Variants in BCAR3 observed in about 807,000 individuals in gnomAD.
BCAR3 encodes breast cancer anti-estrogen resistance protein 3.
BCAR3 carries 37 observed loss-of-function variants against 80.1 expected under a neutral mutation model. That is an observed-to-expected ratio of 0.46 (90% CI 0.36 to 0.61). The LOEUF is 0.61. Ranked by LOEUF, BCAR3 falls within the 20% of genes least tolerant of loss-of-function variation. The pLI, the probability that BCAR3 is intolerant of heterozygous loss-of-function variation, is 0.00. For missense variants in BCAR3, 978 were observed against 1,068.2 expected, an observed-to-expected ratio of 0.92 and a Z score of 1.18; for synonymous variants, 389 against 418.9, an observed-to-expected ratio of 0.93 and a Z score of 0.87.
intron 2 of BCAR3, among the ~76,000 whole-genome samples, chr1:93,827,833 C>T (rs1654422339): frequency 6.6e-6 from 1 of 151,934 alleles, no homozygotes; most frequent in Non-Finnish European, 1.5e-5. Flanking sequence ...GAAAACAATA[C>T]CCCAAAATAA....
chr1:93,809,101 TA>T (rs1378702245), intron 2 of BCAR3, among the ~76,000 whole-genome samples: 1 of 151,860 alleles, frequency 6.6e-6, no homozygotes, highest in Non-Finnish European at 1.5e-5. Context: ...AAGTGAAGAG[TA>T]AAGAGATATT....
intron 2 of BCAR3, among the ~76,000 whole-genome samples, chr1:93,796,956 T>C (rs2100782588): frequency 6.6e-6 from 1 of 152,344 alleles, no homozygotes; most frequent in African/African-American, 2.4e-5. Context: ...TACTGCATTA[T>C]ATTTCTGGTT....
chr1:93,709,824 G>A (rs776039558), intron 2 of BCAR3, among the ~76,000 whole-genome samples: 1 of 152,166 alleles, frequency 6.6e-6, no homozygotes, highest in Non-Finnish European at 1.5e-5. Flanking sequence ...GGGCTTTGCT[G>A]CTATAACATA....
At position 93,711,384 on chromosome 1, in the gene BCAR3, G is replaced by A. The variant is rs138099205; in HGVS notation, c.-62-5242C>T. Among the ~76,000 whole-genome samples, 646 of 152,336 alleles carry A rather than the reference G, an allele frequency of 4.2e-3. 2 individuals are homozygous for A. Among genetic ancestry groups the A allele is most frequent in the African/African-American group, 0.015 (622 of 41,572 alleles). On this transcript the variant is annotated intron_variant, in intron 2 of 13. Coordinates refer to the BCAR3 transcript ENST00000370244. ...TGGCTGGGACAATGAAAGTGAAAGGGCCATGTGTCTGTCATTATTCAGCCA... is the reference window on the plus strand; with the variant it reads ...TGGCTGGGACAATGAAAGTGAAAGGACCATGTGTCTGTCATTATTCAGCCA...
chr1:93,597,035 C>CA lies in BCAR3; in HGVS notation c.358-4643dup, dbSNP rs1389798993. 5.3e-5 allele frequency among the ~76,000 whole-genome samples: 8 copies of CA among 152,274 alleles called. No homozygotes were observed. The East Asian group carries it at 1.2e-3, about 22-fold the overall frequency. ...GACCACAATGAGACAAACATGCAGG[C>CA]AGGGCTCATATCTTGTGCTTCAGGA... is the stretch of plus-strand genomic sequence containing the variant. On this transcript the variant is annotated intron_variant, in intron 3 of 11. Coordinates refer to ENST00000260502, the MANE Select transcript of BCAR3 (RefSeq NM_003567.4).
intron 9 of BCAR3, among the ~76,000 whole-genome samples, chr1:93,570,354 G>A (rs909022491): frequency 2.6e-5 from 4 of 152,278 alleles, no homozygotes; most frequent in South Asian, 2.1e-4. Context: ...AGTGACCAGC[G>A]GTTTTGGTGT....
chr1:93,813,624 A>T (rs1201083799), intron 2 of BCAR3, among the ~76,000 whole-genome samples: 1 of 152,094 alleles, frequency 6.6e-6, no homozygotes, highest in African/African-American at 2.4e-5. Context: ...TTCTTCCTTG[A>T]CTATTTTAAA....
At position 93,582,547 on chromosome 1, in the gene BCAR3, A is replaced by G; in HGVS notation, c.1440T>C (p.Asp480=). 1 of 1,613,428 alleles carries G rather than the reference A, an allele frequency of 6.2e-7. No homozygotes were observed. The highest frequency in any genetic ancestry group is 8.5e-7 in the Non-Finnish European group (1 of 1,179,752). The change falls in exon 7 of 12, where the codon GAT becomes GAC. Residue 480 remains aspartate, a synonymous_variant. Coordinates refer to ENST00000260502, the MANE Select transcript of BCAR3 (RefSeq NM_003567.4). ...NSGVNYLILD[D]DDRERPWEPA... Reference sequence around the variant, plus strand: ...GTTCCCAAGGTCTTTCCCTGTCATCATCATCAAGGATCAAGTAGTTGACGC... The same window carrying G: ...GTTCCCAAGGTCTTTCCCTGTCATCGTCATCAAGGATCAAGTAGTTGACGC...
At chr1:93,734,484 A>G (rs573066123) in intron 2 of BCAR3, among the ~76,000 whole-genome samples, 2 of 152,144 alleles carry the variant, frequency 1.3e-5, no homozygotes, top group Non-Finnish European at 2.9e-5. Context: ...GACACACAAG[A>G]GTGTGCTCTG....
chr1:93,754,860 A>T (rs1211503909), intron 2 of BCAR3, among the ~76,000 whole-genome samples: 2 of 152,208 alleles, frequency 1.3e-5, no homozygotes, highest in African/African-American at 4.8e-5. Flanking sequence ...AAAAAAGTTA[A>T]CTGTAAAACA....
chr1:93,565,294 G>GAC (rs1399532340), intron 11 of BCAR3, among the ~76,000 whole-genome samples: 1 of 152,126 alleles, frequency 6.6e-6, no homozygotes. Context: ...TCTAAGTCCT[G>GAC]ACCTCAGGTG....
intron 2 of BCAR3, among the ~76,000 whole-genome samples, chr1:93,726,182 A>G (rs1650575741): frequency 6.6e-6 from 1 of 152,016 alleles, no homozygotes; most frequent in African/African-American, 2.4e-5. Context: ...CTCCCACCTC[A>G]GCCTCCTGAG....
intron 2 of BCAR3, among the ~76,000 whole-genome samples, chr1:93,737,899 C>A (rs1399441510): frequency 6.6e-6 from 1 of 152,182 alleles, no homozygotes; most frequent in African/African-American, 2.4e-5. Flanking sequence ...GTGATGTGAT[C>A]ATAGCTCACT....
intron 2 of BCAR3, among the ~76,000 whole-genome samples, chr1:93,728,227 C>T (rs77693949): frequency 0.01 from 1,583 of 152,326 alleles, 44 homozygotes; most frequent in Admixed American, 0.059. Flanking sequence ...TTGTCCCCCT[C>T]GCAGGGCGTG....
At chr1:93,735,775 G>A (rs915508124) in intron 2 of BCAR3, among the ~76,000 whole-genome samples, 4 of 152,234 alleles carry the variant, frequency 2.6e-5, no homozygotes, top group African/African-American at 7.2e-5. Context: ...AAGGCAGCTC[G>A]CTTCCATGGC....
At chr1:93,612,526 CA>C (rs1374450070) in intron 3 of BCAR3, among the ~76,000 whole-genome samples, 1 of 152,164 alleles carries the variant, frequency 6.6e-6, no homozygotes, top group Non-Finnish European at 1.5e-5. Flanking sequence ...CTCATACACC[CA>C]ATGCTGAGTT....
intron 2 of BCAR3, among the ~76,000 whole-genome samples, chr1:93,663,978 T>C (rs17110252): frequency 0.027 from 4,118 of 152,362 alleles, 66 homozygotes; most frequent in Middle Eastern, 0.054. Context: ...GTTTATCATG[T>C]ACCTCGACCT....
intron 2 of BCAR3, among the ~76,000 whole-genome samples, chr1:93,819,135 C>A (rs186712511): frequency 6.6e-6 from 1 of 150,996 alleles, no homozygotes; most frequent in Non-Finnish European, 1.5e-5. Context: ...GGTGTAATCT[C>A]GGCTCACTGC....
intron 2 of BCAR3, among the ~76,000 whole-genome samples, chr1:93,830,887 TG>T (rs142454250): frequency 0.15 from 22,449 of 152,096 alleles, 1,914 homozygotes; most frequent in Non-Finnish European, 0.2. Flanking sequence ...AATTTCAAAT[TG>T]GGTAAGTGGT....
Sources: allele counts gnomAD v4.1 joint callset (sites outside exome capture counted in the v4.1 genomes callset), GRCh38; gene constraint gnomAD v4.1.1; transcripts MANE v1.5; gene names NCBI Gene and HGNC (gene_info 2026-07-23, HGNC 2026-07-21).